Variants in CCNC observed in about 807,000 individuals in gnomAD.
CCNC encodes the protein cyclin-C.
A neutral mutation model predicts 50.0 loss-of-function variants in CCNC; 19 were observed. The observed-to-expected ratio is 0.38, with a 90% CI of 0.27 to 0.56. The LOEUF (loss-of-function observed/expected upper bound fraction) is 0.56. CCNC is among the 20% of genes least tolerant of loss of function. The pLI is 0.72. For missense variants in CCNC, 200 were observed against 327.1 expected (o/e 0.61, Z 3.00); for synonymous variants, 93 against 103.7 (o/e 0.90, Z 0.63).
chr6:99,561,387 A>G lies in CCNC; in HGVS notation c.274T>C (p.Phe92Leu). 8.7e-6 allele frequency: 14 copies of G among 1,604,026 alleles called. No homozygotes were observed. The highest frequency in any genetic ancestry group is 8.5e-6 in the Non-Finnish European group (10 of 1,174,186). ...DPVLMAPTCV[F>L]LASKVEEFGV... ...TATACCTCTACTTTGGATGCCAAAAACACACATGTAGGAGCCATTAATACA... is the reference window on the plus strand; with the variant it reads ...TATACCTCTACTTTGGATGCCAAAAGCACACATGTAGGAGCCATTAATACA... The change falls in exon 4 of 12, where the codon TTT becomes CTT. Residue 92 changes from phenylalanine to leucine, a missense_variant. Coordinates refer to ENST00000520429, the MANE Select transcript of CCNC (RefSeq NM_005190.4).
intron 5 of CCNC, among the ~76,000 whole-genome samples, chr6:99,552,608 C>CG (rs1802349209): frequency 1.3e-5 from 2 of 152,066 alleles, no homozygotes; most frequent in South Asian, 4.1e-4. Context: ...AGCATATACA[C>CG]ATAAGTACTA....
chr6:99,549,090 G>A (rs1285074122), intron 9 of CCNC, among the ~76,000 whole-genome samples: 3 of 152,116 alleles, frequency 2.0e-5, no homozygotes, highest in East Asian at 1.9e-4. Flanking sequence ...TGTACTTAAC[G>A]TCTTCCTCCA....
chr6:99,568,740 C>G, upstream of CCNC: 6 of 1,399,634 alleles, frequency 4.3e-6, no homozygotes, highest in Non-Finnish European at 5.6e-6. Flanking sequence ...TTCCTATCGA[C>G]AAAAGTTCCG....
intron 8 of CCNC, 150 bp from the exon 9 acceptor site, chr6:99,549,725 G>A (rs1802214825): frequency 3.8e-6 from 2 of 524,818 alleles, no homozygotes; most frequent in East Asian, 5.7e-5. Context: ...AAAACATCAA[G>A]GCAAAAGGAT....
chr6:99,562,998 C>G, intron 1 of CCNC, 50 bp from the exon 2 acceptor site: 1 of 1,132,856 alleles, frequency 8.8e-7, no homozygotes, highest in Non-Finnish European at 1.3e-6. Flanking sequence ...AGAGGAAACA[C>G]TCTAAGATTG....
At chr6:99,558,658 T>A in intron 4 of CCNC, 110 bp from the exon 5 acceptor site, 2 of 957,754 alleles carry the variant, frequency 2.1e-6, no homozygotes, top group Non-Finnish European at 3.0e-6. Flanking sequence ...ACCTTCTAAC[T>A]ACTTGAGGTG....
At chr6:99,556,495 A>C (rs991276705) in intron 5 of CCNC, among the ~76,000 whole-genome samples, 1 of 152,164 alleles carries the variant, frequency 6.6e-6, no homozygotes, top group Non-Finnish European at 1.5e-5. Flanking sequence ...TTCCTAATGC[A>C]CAATGCTAGC....
intron 7 of CCNC, 175 bp downstream of exon 7, chr6:99,550,818 T>G (rs1802262199): frequency 3.2e-6 from 1 of 315,858 alleles, no homozygotes; most frequent in Admixed American, 4.7e-5. Flanking sequence ...CAAATTATTT[T>G]ACAGGCTTCA....
chr6:99,564,629 G>C (rs138432508), intron 1 of CCNC, among the ~76,000 whole-genome samples: 2 of 151,656 alleles, frequency 1.3e-5, no homozygotes, highest in East Asian at 3.9e-4. Context: ...TGGGATTACC[G>C]ATTTTTTTAA....
chr6:99,552,110 C>T (rs937478025), intron 5 of CCNC, among the ~76,000 whole-genome samples: 1 of 151,808 alleles, frequency 6.6e-6, no homozygotes, highest in Non-Finnish European at 1.5e-5. Context: ...ATATTTACTA[C>T]CTTAAGAAAG....
intron 1 of CCNC, 129 bp downstream of exon 1, chr6:99,568,367 G>A (rs1353103375): frequency 6.9e-6 from 6 of 871,418 alleles, no homozygotes; most frequent in Non-Finnish European, 1.1e-5. Flanking sequence ...GATTCTGACC[G>A]CTGCGGTCTC....
chr6:99,562,800 T>C, intron 2 of CCNC, 42 bp downstream of exon 2: 1 of 1,107,404 alleles, frequency 9.0e-7, no homozygotes, highest in Non-Finnish European at 1.3e-6. Context: ...TATTCAGAGG[T>C]AACCAACTAT....
chr6:99,561,569 C>A, intron 3 of CCNC, 28 bp downstream of exon 3: 1 of 1,508,664 alleles, frequency 6.6e-7, no homozygotes, highest in South Asian at 1.2e-5. Context: ...GATAAGAGTT[C>A]AAATAAATAA....
intron 11 of CCNC, among the ~76,000 whole-genome samples, chr6:99,544,617 T>C (rs370175051): frequency 6.6e-6 from 1 of 152,090 alleles, no homozygotes; most frequent in Admixed American, 6.6e-5. Context: ...CAAAAATATA[T>C]TCTTATGTGC....
intron 11 of CCNC, chr6:99,544,031 C>T: frequency 9.6e-7 from 1 of 1,044,856 alleles, no homozygotes; most frequent in Non-Finnish European, 1.2e-6. Context: ...AAAAAAAAAC[C>T]AAAACTGTTG....
intron 6 of CCNC, among the ~76,000 whole-genome samples, 168 bp downstream of exon 6, chr6:99,551,671 AT>A (rs953935093): frequency 2.6e-5 from 4 of 151,912 alleles, no homozygotes; most frequent in African/African-American, 9.7e-5. Flanking sequence ...ACTATGAAGT[AT>A]TTTTTTTAAA....
rs1562486690 is a variant in CCNC at position 99,545,299 on chromosome 6, A to G, written c.679-69T>C. 1.4e-5 allele frequency: 11 copies of G among 773,790 alleles called. No homozygotes were observed. The East Asian group carries it at 2.5e-4, about 17-fold the overall frequency. The allele number at this position is 773,790 out of a possible 1,614,324, so 47.9% of individuals were successfully genotyped here. Reference sequence around the variant, plus strand: ...AACATTTTTTATATAAAGAGCATACATCACTACACAACCCTCAGAAAACAG... The same window carrying G: ...AACATTTTTTATATAAAGAGCATACGTCACTACACAACCCTCAGAAAACAG... On this transcript the variant is annotated intron_variant, in intron 10 of 11. Coordinates refer to ENST00000520429, the MANE Select transcript of CCNC (RefSeq NM_005190.4).
chr6:99,561,728 ATAATAT>A, intron 2 of CCNC, 47 bp from the exon 3 acceptor site: 1 of 1,151,814 alleles, frequency 8.7e-7, no homozygotes, highest in Non-Finnish European at 1.3e-6. Context: ...TGGTATCATT[ATAATAT>A]TAACATTGAA....
chr6:99,546,371 G>C, intron 10 of CCNC, 24 bp downstream of exon 10: 1 of 1,507,198 alleles, frequency 6.6e-7, no homozygotes, highest in Non-Finnish European at 9.2e-7. Context: ...AAACATCCAA[G>C]TTTACATACA....
Sources: allele counts gnomAD v4.1 joint callset (sites outside exome capture counted in the v4.1 genomes callset), GRCh38; gene constraint gnomAD v4.1.1; transcripts MANE v1.5; gene names NCBI Gene and HGNC (gene_info 2026-07-23, HGNC 2026-07-21).